Variants in MARCHF1 observed in about 807,000 individuals in gnomAD.
MARCHF1 encodes the protein E3 ubiquitin-protein ligase MARCHF1.
MARCHF1 carries 40 observed loss-of-function variants against 54.2 expected under a neutral mutation model. The observed-to-expected ratio is 0.74, with a 90% confidence interval of 0.57 to 0.96. The LOEUF is 0.96. Ranked by LOEUF, MARCHF1 falls within the 40% of genes least tolerant of loss-of-function variation. The pLI, the probability that MARCHF1 is intolerant of heterozygous loss-of-function variation, is 0.00. For synonymous variants in MARCHF1, 236 were observed against 236.3 expected (o/e 1.00, Z 0.01); for missense variants, 586 against 656.5 (o/e 0.89, Z 1.17).
At chr4:163,539,308 A>G (rs549702409) in intron 9 of MARCHF1, among the ~76,000 whole-genome samples, 1 of 152,324 alleles carries the variant, frequency 6.6e-6, no homozygotes, top group South Asian at 2.1e-4. Context: ...GGCTTAAACC[A>G]ACACACCCAG....
chr4:163,817,610 G>A (rs1281173120), intron 4 of MARCHF1, among the ~76,000 whole-genome samples: 1 of 151,914 alleles, frequency 6.6e-6, no homozygotes, highest in African/African-American at 2.4e-5. Flanking sequence ...GCACTCAAAA[G>A]TATTTTCAAT....
At chr4:163,579,817 A>G (rs1322036176) in intron 8 of MARCHF1, among the ~76,000 whole-genome samples, 1 of 152,174 alleles carries the variant, frequency 6.6e-6, no homozygotes, top group Non-Finnish European at 1.5e-5. Context: ...TAGCAAATCT[A>G]CCTCACAGAA....
intron 3 of MARCHF1, among the ~76,000 whole-genome samples, chr4:163,883,761 G>A (rs993354432): frequency 4.0e-5 from 6 of 151,850 alleles, no homozygotes; most frequent in Admixed American, 1.3e-4. Context: ...TGGGTGTCTT[G>A]TATTTTTTTG....
At chr4:163,812,143 C>A (rs1193049247) in intron 4 of MARCHF1, among the ~76,000 whole-genome samples, 2 of 151,978 alleles carry the variant, frequency 1.3e-5, no homozygotes, top group Non-Finnish European at 2.9e-5. Flanking sequence ...TCAATATGGG[C>A]TTTCTTGGGT....
chr4:164,163,314 C>A (rs1189531262), intron 1 of MARCHF1, among the ~76,000 whole-genome samples: 4 of 151,698 alleles, frequency 2.6e-5, no homozygotes, highest in Non-Finnish European at 4.4e-5. Context: ...AGACAGCATA[C>A]AAGTAAGATA....
chr4:163,651,544 T>A lies in MARCHF1; in HGVS notation c.163-38151A>T, dbSNP rs1397993. Among the ~76,000 whole-genome samples, 710 of 146,996 alleles carry A rather than the reference T, an allele frequency of 4.8e-3. 17 individuals are homozygous for A. The highest frequency in any genetic ancestry group is 0.041 in the Admixed American group (600 of 14,570). On this transcript the variant is annotated intron_variant, in intron 5 of 9. Coordinates refer to ENST00000514618, the MANE Select transcript of MARCHF1 (RefSeq NM_001394959.1). ...ACCATACTTTTTTTTTTTTTTTTTT[T>A]ACTGCAATAGACTTTCTTATTCTTT...
chr4:164,366,164 C>G (rs1470146573), intron 1 of MARCHF1, among the ~76,000 whole-genome samples: 1 of 152,020 alleles, frequency 6.6e-6, no homozygotes, highest in African/African-American at 2.4e-5. Context: ...GGGGCACAAT[C>G]ATTAACCTTC....
chr4:163,826,592 T>G (rs1748853927), intron 4 of MARCHF1, among the ~76,000 whole-genome samples: 1 of 152,066 alleles, frequency 6.6e-6, no homozygotes, highest in Non-Finnish European at 1.5e-5. Flanking sequence ...ACAGACAGTA[T>G]TTAGCAAAAC....
chr4:164,069,951 C>T (rs187846967), intron 2 of MARCHF1, among the ~76,000 whole-genome samples: 108 of 152,260 alleles, frequency 7.1e-4, no homozygotes, highest in Admixed American at 2.9e-3. Flanking sequence ...AGAATAAAAT[C>T]GTATCCTTTG....
At chr4:163,667,243 C>T (rs1404364310) in intron 5 of MARCHF1, among the ~76,000 whole-genome samples, 7 of 151,980 alleles carry the variant, frequency 4.6e-5, no homozygotes, top group Admixed American at 2.0e-4. Context: ...TGTGCTGGAG[C>T]GTGGCATTAT....
chr4:163,941,858 T>C (rs968898184), intron 3 of MARCHF1, among the ~76,000 whole-genome samples: 2 of 152,188 alleles, frequency 1.3e-5, no homozygotes, highest in African/African-American at 4.8e-5. Context: ...CTATTTAAAT[T>C]TATGTGTCAA....
At chr4:163,956,326 T>G (rs1752232519) in intron 3 of MARCHF1, among the ~76,000 whole-genome samples, 1 of 152,120 alleles carries the variant, frequency 6.6e-6, no homozygotes, top group Non-Finnish European at 1.5e-5. Flanking sequence ...CAAAAATACT[T>G]CTTGAATGAA....
chr4:164,320,673 A>C (rs1463396024), intron 1 of MARCHF1, among the ~76,000 whole-genome samples: 1 of 151,998 alleles, frequency 6.6e-6, no homozygotes, highest in Non-Finnish European at 1.5e-5. Flanking sequence ...ATTTACTACA[A>C]CATGGGAATG....
At chr4:164,095,415 AAC>A (rs60204920) in intron 2 of MARCHF1, among the ~76,000 whole-genome samples, 152 of 148,680 alleles carry the variant, frequency 1.0e-3, no homozygotes, top group South Asian at 4.7e-3. Context: ...CACACACACA[AAC>A]ACACACACAC....
chr4:163,609,621 G>A (rs34039542), intron 7 of MARCHF1, among the ~76,000 whole-genome samples: 43,213 of 148,270 alleles, frequency 0.29, 6,856 homozygotes, highest in Non-Finnish European at 0.36. Context: ...GTGTGTGTGT[G>A]TGTATATATA....
intron 2 of MARCHF1, among the ~76,000 whole-genome samples, chr4:164,005,973 C>T (rs1308585915): frequency 6.6e-6 from 1 of 152,050 alleles, no homozygotes. Flanking sequence ...GCAAACATAT[C>T]CAATGAAAAC....
chr4:164,094,022 C>G (rs1293406880), intron 2 of MARCHF1, among the ~76,000 whole-genome samples: 2 of 152,046 alleles, frequency 1.3e-5, no homozygotes, highest in East Asian at 1.9e-4. Context: ...TTTCACCTCT[C>G]TAGGTTTCAG....
intron 1 of MARCHF1, among the ~76,000 whole-genome samples, chr4:164,211,740 A>G (rs1206781379): frequency 6.6e-5 from 10 of 152,062 alleles, no homozygotes; most frequent in Admixed American, 6.6e-4. Flanking sequence ...GTAAAGTAGT[A>G]GGTACGGATG....
At chr4:163,593,223 G>T (rs898230632) in intron 7 of MARCHF1, among the ~76,000 whole-genome samples, 2 of 152,142 alleles carry the variant, frequency 1.3e-5, no homozygotes, top group African/African-American at 4.8e-5. Flanking sequence ...ATTTGCATAT[G>T]TCATAAATAT....
Sources: gnomAD v4.1 joint callset for allele counts (sites outside exome capture counted in the v4.1 genomes callset) on GRCh38, gnomAD v4.1.1 for gene constraint, MANE v1.5 for transcripts, NCBI Gene and HGNC (gene_info 2026-07-23, HGNC 2026-07-21) for gene names.